Variants in SKAP2 observed in about 807,000 individuals in gnomAD.
SKAP2 encodes the protein src kinase-associated phosphoprotein 2.
In SKAP2, 28 loss-of-function variants were observed where a neutral mutation model predicts 54.9. The ratio of observed to expected loss-of-function variants is 0.51; its 90% CI spans 0.38 to 0.70. SKAP2 has a LOEUF of 0.70. SKAP2 is among the 30% of genes least tolerant of loss of function. SKAP2 has a pLI of 0.00. For missense variants in SKAP2, 356 were observed against 424.1 expected (o/e 0.84, Z 1.41); for synonymous variants, 137 against 134.3 (o/e 1.02, Z -0.14).
chr7:26,742,061 C>CAG (rs1782467284), intron 4 of SKAP2, among the ~76,000 whole-genome samples: 1 of 151,838 alleles, frequency 6.6e-6, no homozygotes, highest in Non-Finnish European at 1.5e-5. Context: ...TAAATGTATC[C>CAG]AGTTTTTTTC....
intron 11 of SKAP2, among the ~76,000 whole-genome samples, chr7:26,678,674 C>T (rs975573556): frequency 6.6e-6 from 1 of 152,106 alleles, no homozygotes; most frequent in African/African-American, 2.4e-5. Flanking sequence ...CTCCTGACTT[C>T]AAGTGATCCT....
chr7:26,757,842 A>T (rs974930111), intron 4 of SKAP2, among the ~76,000 whole-genome samples: 3 of 152,130 alleles, frequency 2.0e-5, no homozygotes, highest in Non-Finnish European at 2.9e-5. Flanking sequence ...GCTCACTGCA[A>T]CCTCTGCCTC....
chr7:26,814,136 G>C (rs1270024452), intron 4 of SKAP2, among the ~76,000 whole-genome samples: 2 of 144,164 alleles, frequency 1.4e-5, no homozygotes, highest in African/African-American at 5.0e-5. Context: ...GTACATTTTT[G>C]TTTAACAAAA....
rs543233508 is a variant in SKAP2, at chr7:26,836,780, G to A, written c.307+7250C>T. Among the ~76,000 whole-genome samples the A allele has an allele frequency of 2.4e-3, 361 of 152,306 alleles. 4 individuals are homozygous for A. Among genetic ancestry groups the A allele is most frequent in the African/African-American group, 8.4e-3 (351 of 41,570 alleles). ...CAACCATTGTGGAAGACAGTGTGACGATTCCTCAAGGATCTAGAACTAGAA... is the reference window on the plus strand; with the variant it reads ...CAACCATTGTGGAAGACAGTGTGACAATTCCTCAAGGATCTAGAACTAGAA... On this transcript the variant is annotated intron_variant, in intron 4 of 12. Transcript: ENST00000345317.
chr7:26,729,642 C>A (rs1787780295), intron 6 of SKAP2, among the ~76,000 whole-genome samples: 1 of 152,014 alleles, frequency 6.6e-6, no homozygotes, highest in Non-Finnish European at 1.5e-5. Context: ...GTAGAACTAA[C>A]ATTGTGGAAA....
rs145345927 is a variant in SKAP2, at chr7:26,745,628, C to T, written c.308-5664G>A. 7.9e-3 allele frequency among the ~76,000 whole-genome samples: 1,201 copies of T among 152,282 alleles called. 5 individuals carry two copies. Among genetic ancestry groups the T allele is most frequent in the Non-Finnish European group, 0.011 (766 of 68,024 alleles). On this transcript the variant is annotated intron_variant, in intron 4 of 12. Transcript: ENST00000345317. ...CTTCTGGGCTCAAGCGATCCTCCCA[C>T]CTCAGCCTCCTGAGTAGCTGGGATT...
chr7:26,835,846 A>C (rs1209000715), intron 4 of SKAP2, among the ~76,000 whole-genome samples: 2 of 152,216 alleles, frequency 1.3e-5, no homozygotes, highest in Admixed American at 1.3e-4. Flanking sequence ...AACTACTTTA[A>C]ATTTCATACG....
intron 4 of SKAP2, among the ~76,000 whole-genome samples, chr7:26,785,436 T>G (rs957873984): frequency 1.3e-5 from 2 of 152,162 alleles, no homozygotes; most frequent in Admixed American, 6.5e-5. Flanking sequence ...TCCACCTGCC[T>G]CGGCCTCCCA....
At chr7:26,786,911 T>C (rs1245012000) in intron 4 of SKAP2, among the ~76,000 whole-genome samples, 1 of 152,218 alleles carries the variant, frequency 6.6e-6, no homozygotes, top group Non-Finnish European at 1.5e-5. Flanking sequence ...ATCTAATCTG[T>C]AATTAACTCA....
At chr7:26,758,713 G>C (rs2127969858) in intron 4 of SKAP2, among the ~76,000 whole-genome samples, 1 of 152,146 alleles carries the variant, frequency 6.6e-6, no homozygotes, top group African/African-American at 2.4e-5. Context: ...AAAATTAAAG[G>C]AACATATTTT....
At chr7:26,842,506 T>C (rs1007118676) in intron 4 of SKAP2, among the ~76,000 whole-genome samples, 1 of 151,874 alleles carries the variant, frequency 6.6e-6, no homozygotes, top group Non-Finnish European at 1.5e-5. Context: ...GGTTGCAAAT[T>C]TTTCAAGAAT....
intron 4 of SKAP2, among the ~76,000 whole-genome samples, chr7:26,767,147 T>A (rs1426288177): frequency 9.2e-5 from 14 of 152,166 alleles, no homozygotes; most frequent in Admixed American, 9.2e-4. Flanking sequence ...AATTTCAGAA[T>A]CTGTTATTGG....
chr7:26,804,330 C>A (rs533098656), intron 4 of SKAP2, among the ~76,000 whole-genome samples: 42 of 152,134 alleles, frequency 2.8e-4, no homozygotes, highest in Non-Finnish European at 5.3e-4. Context: ...GTTATCCTTT[C>A]TAACTCTATA....
chr7:26,687,990 G>C (rs1004342837), intron 10 of SKAP2, among the ~76,000 whole-genome samples: 1 of 151,718 alleles, frequency 6.6e-6, no homozygotes, highest in Non-Finnish European at 1.5e-5. Flanking sequence ...ATTAAAAAAA[G>C]GTAAGAAAGA....
chr7:26,678,819 A>G (rs935883990), intron 11 of SKAP2, among the ~76,000 whole-genome samples: 5 of 151,956 alleles, frequency 3.3e-5, no homozygotes, highest in African/African-American at 1.2e-4. Context: ...CGACTCTAAA[A>G]CTTTTCTTAA....
chr7:26,674,742 A>G (rs1269440733), intron 11 of SKAP2, among the ~76,000 whole-genome samples: 1 of 152,214 alleles, frequency 6.6e-6, no homozygotes, highest in Non-Finnish European at 1.5e-5. Flanking sequence ...TCAAAGAATT[A>G]CTGTTTTTCC....
intron 4 of SKAP2, among the ~76,000 whole-genome samples, chr7:26,782,667 G>C (rs565937197): frequency 1.3e-5 from 2 of 151,998 alleles, no homozygotes; most frequent in Non-Finnish European, 2.9e-5. Context: ...CTCTAGCCTG[G>C]GCAACAGACT....
intron 10 of SKAP2, among the ~76,000 whole-genome samples, 185 bp downstream of exon 10, chr7:26,690,100 T>C (rs1786749471): frequency 6.6e-6 from 1 of 152,174 alleles, no homozygotes; most frequent in African/African-American, 2.4e-5. Flanking sequence ...ACTTTATAAA[T>C]CCTTCTCAAG....
intron 10 of SKAP2, among the ~76,000 whole-genome samples, chr7:26,687,408 T>G (rs74696185): frequency 0.039 from 5,879 of 151,990 alleles, 364 homozygotes; most frequent in African/African-American, 0.13. Flanking sequence ...CTCATTTTTG[T>G]GTCCCGTATG....
Sources: gnomAD v4.1 joint callset for allele counts (sites outside exome capture counted in the v4.1 genomes callset) on GRCh38, gnomAD v4.1.1 for gene constraint, MANE v1.5 for transcripts, NCBI Gene and HGNC (gene_info 2026-07-23, HGNC 2026-07-21) for gene names.